The following LRP1B variants were observed in gnomAD, a reference collection of about 807,000 sequenced individuals.
LRP1B encodes the protein low-density lipoprotein receptor-related protein 1B.
LRP1B carries 217 observed loss-of-function variants against 556.6 expected under a neutral mutation model. That is an observed-to-expected ratio of 0.39 (90% CI 0.35 to 0.44). LRP1B has a LOEUF of 0.44. LRP1B is among the 20% of genes least tolerant of loss of function. The pLI, the probability that LRP1B is intolerant of heterozygous loss-of-function variation, is 1.00. For synonymous variants in LRP1B, 2,047 were observed against 1,865.8 expected, an observed-to-expected ratio of 1.10 and a Z score of -2.50; for missense variants, 5,053 against 5,620.8, an observed-to-expected ratio of 0.90 and a Z score of 3.23.
chr2:140,519,832 A>ACATGCTCT (rs1690080154), intron 49 of LRP1B, among the ~76,000 whole-genome samples: 1 of 152,230 alleles, frequency 6.6e-6, no homozygotes, highest in Non-Finnish European at 1.5e-5. Flanking sequence ...CAAAGAAGAC[A>ACATGCTCT]TTTATGCAGC....
At chr2:141,544,104 A>T in intron 2 of LRP1B, among the ~76,000 whole-genome samples, 1 of 152,090 alleles carries the variant, frequency 6.6e-6, no homozygotes, top group East Asian at 1.9e-4. Flanking sequence ...ATTTCCATTG[A>T]TTCTCTAGAA....
intron 86 of LRP1B, among the ~76,000 whole-genome samples, chr2:140,248,654 A>G (rs1681274197): frequency 6.6e-6 from 1 of 151,492 alleles, no homozygotes; most frequent in Admixed American, 6.6e-5. Flanking sequence ...TGAACAACAA[A>G]TAAAATCATT....
Position 140,514,777 on chromosome 2 carries a change from GAAAC to G in LRP1B, c.8150-9_8150-6del, listed in dbSNP as rs1689816586. ...GGTTCCAAGAGCAAGAAGAATCTAG[GAAAC>G]AAACAAAAGGAAAAAAAAAAATAGT... On this transcript the variant is annotated splice_region_variant and splice_polypyrimidine_tract_variant and intron_variant, in intron 50 of 90. Coordinates refer to ENST00000389484, the MANE Select transcript of LRP1B (RefSeq NM_018557.3). 1.3e-6 allele frequency: 2 copies of G among 1,595,896 alleles called. No homozygotes were observed. Among genetic ancestry groups the G allele is most frequent in the Admixed American group, 1.7e-5 (1 of 57,508 alleles).
At chr2:141,327,237 A>C (rs1342036890) in intron 3 of LRP1B, among the ~76,000 whole-genome samples, 1 of 152,182 alleles carries the variant, frequency 6.6e-6, no homozygotes, top group Non-Finnish European at 1.5e-5. Flanking sequence ...AGTTACCTGA[A>C]GGACATATGG....
At chr2:141,431,910 G>A (rs1424734056) in intron 3 of LRP1B, among the ~76,000 whole-genome samples, 1 of 152,062 alleles carries the variant, frequency 6.6e-6, no homozygotes, top group Non-Finnish European at 1.5e-5. Context: ...TATACAAGGA[G>A]AGATATTTTT....
At chr2:140,957,283 T>C (rs1159866829) in intron 18 of LRP1B, among the ~76,000 whole-genome samples, 1 of 151,514 alleles carries the variant, frequency 6.6e-6, no homozygotes, top group Non-Finnish European at 1.5e-5. Context: ...TCTACAATGT[T>C]CCAAAGAAAG....
chr2:140,468,595 T>C (rs1687641067), intron 60 of LRP1B, among the ~76,000 whole-genome samples: 1 of 151,982 alleles, frequency 6.6e-6, no homozygotes, highest in Non-Finnish European at 1.5e-5. Context: ...CTATGAGAGG[T>C]GGAAAATGGG....
At chr2:141,097,065 C>A (rs1243667446) in intron 7 of LRP1B, among the ~76,000 whole-genome samples, 1 of 152,154 alleles carries the variant, frequency 6.6e-6, no homozygotes, top group East Asian at 1.9e-4. Context: ...CCTAGCATAG[C>A]AGCTGACACA....
intron 2 of LRP1B, among the ~76,000 whole-genome samples, chr2:141,749,451 G>T (rs1239106774): frequency 1.3e-5 from 2 of 152,064 alleles, no homozygotes; most frequent in African/African-American, 4.8e-5. Context: ...GAAAGAAATG[G>T]CACTATTGGT....
Position 140,694,083 on chromosome 2 carries a change from A to T in LRP1B, c.6799+6167T>A, listed in dbSNP as rs544513468. Among the ~76,000 whole-genome samples the T allele has an allele frequency of 9.9e-5, 15 of 152,270 alleles. No homozygotes were observed. The East Asian group carries it at 1.7e-3, about 18-fold the overall frequency. ...ATATTAAGCAATATTTGCTTTTTTT[A>T]AAAAATATGCTATGTTTAGTTAAAA... On this transcript the variant is annotated intron_variant, in intron 41 of 90. Transcript: ENST00000389484.
intron 66 of LRP1B, among the ~76,000 whole-genome samples, chr2:140,409,696 A>G (rs1187398480): frequency 6.6e-6 from 1 of 152,072 alleles, no homozygotes; most frequent in African/African-American, 2.4e-5. Context: ...GCAATTCAAT[A>G]TGGAAAGTAT....
intron 11 of LRP1B, among the ~76,000 whole-genome samples, chr2:141,043,578 T>C (rs965612012): frequency 6.6e-6 from 1 of 151,950 alleles, no homozygotes; most frequent in African/African-American, 2.4e-5. Context: ...TATTCAAATC[T>C]AGGTAAAAAT....
intron 1 of LRP1B, among the ~76,000 whole-genome samples, chr2:141,972,698 T>C (rs527446426): frequency 6.6e-6 from 1 of 151,734 alleles, no homozygotes; most frequent in Non-Finnish European, 1.5e-5. Context: ...CGAAGCACGA[T>C]TGTTTCCTAG....
intron 43 of LRP1B, among the ~76,000 whole-genome samples, chr2:140,594,285 AAAAC>A (rs1367876523): frequency 6.6e-6 from 1 of 152,202 alleles, no homozygotes; most frequent in Non-Finnish European, 1.5e-5. Context: ...TAAAAAAATT[AAAAC>A]AAACAAGCAA....
At chr2:140,257,447 A>C (rs907311447) in intron 86 of LRP1B, among the ~76,000 whole-genome samples, 1 of 152,316 alleles carries the variant, frequency 6.6e-6, no homozygotes, top group South Asian at 2.1e-4. Context: ...ATTACATCAG[A>C]GCTGCTTGAT....
chr2:141,504,626 G>A (rs887121176), intron 2 of LRP1B, among the ~76,000 whole-genome samples: 4 of 151,960 alleles, frequency 2.6e-5, no homozygotes, highest in Admixed American at 2.6e-4. Flanking sequence ...CTACAATGTG[G>A]GTGCCCAAGG....
At chr2:141,877,855 T>C (rs1423261526) in intron 1 of LRP1B, among the ~76,000 whole-genome samples, 1 of 151,956 alleles carries the variant, frequency 6.6e-6, no homozygotes, top group African/African-American at 2.4e-5. Flanking sequence ...ATTTTAGAGC[T>C]CACCAAGATT....
intron 27 of LRP1B, among the ~76,000 whole-genome samples, chr2:140,856,118 A>G (rs903245078): frequency 6.6e-6 from 1 of 152,156 alleles, no homozygotes; most frequent in African/African-American, 2.4e-5. Flanking sequence ...CTATCTTCCA[A>G]GCCTCATCTA....
intron 6 of LRP1B, among the ~76,000 whole-genome samples, chr2:141,216,086 A>G (rs1003030032): frequency 4.6e-5 from 7 of 152,140 alleles, no homozygotes; most frequent in Non-Finnish European, 1.0e-4. Context: ...GCCTAGAGAC[A>G]TAGGAGGGAA....
Sources: allele counts gnomAD v4.1 joint callset (sites outside exome capture counted in the v4.1 genomes callset), GRCh38; gene constraint gnomAD v4.1.1; transcripts MANE v1.5; gene names NCBI Gene and HGNC (gene_info 2026-07-23, HGNC 2026-07-21).